NPAS3: variants seen among roughly 807,000 people sequenced by gnomAD.
NPAS3 encodes neuronal PAS domain-containing protein 3.
In NPAS3, 14 loss-of-function variants were observed where a neutral mutation model predicts 73.1. The observed-to-expected ratio is 0.19, with a 90% CI of 0.13 to 0.30. The LOEUF (loss-of-function observed/expected upper bound fraction) is 0.30, where lower values mean the gene tolerates loss of function less well. Among genes scored for constraint, NPAS3 ranks in the 10% least tolerant of loss-of-function variants. NPAS3 has a pLI of 1.00. For synonymous variants in NPAS3, 620 were observed against 541.5 expected, an observed-to-expected ratio of 1.14 and a Z score of -2.01; for missense variants, 1,096 against 1,250.0, an observed-to-expected ratio of 0.88 and a Z score of 1.86.
chr14:32,969,223 A>G (rs564325256), intron 1 of NPAS3, among the ~76,000 whole-genome samples: 1 of 152,240 alleles, frequency 6.6e-6, no homozygotes, highest in African/African-American at 2.4e-5. Context: ...ATCAGAGTAC[A>G]GTGGTGAGAG....
intron 4 of NPAS3, among the ~76,000 whole-genome samples, chr14:33,540,996 TTTC>T (rs1382538154): frequency 1.3e-5 from 2 of 152,038 alleles, no homozygotes; most frequent in African/African-American, 4.8e-5. Context: ...CAAGTCAGGA[TTTC>T]TTCTTTACTT....
downstream of NPAS3, chr14:33,802,009 A>C (rs189853608): frequency 5.3e-5 from 8 of 152,252 alleles, no homozygotes; most frequent in Non-Finnish European, 1.2e-4. Flanking sequence ...ATTAAATTTA[A>C]TGGGTCAGTA....
intron 1 of NPAS3, among the ~76,000 whole-genome samples, chr14:32,943,697 T>C (rs998276565): frequency 2.6e-4 from 39 of 149,500 alleles, no homozygotes; most frequent in Non-Finnish European, 5.1e-4. Flanking sequence ...CTTTTTCTTT[T>C]TTTTTTTTTT....
At chr14:33,374,104 T>A (rs114621688) in intron 4 of NPAS3, among the ~76,000 whole-genome samples, 3 of 152,162 alleles carry the variant, frequency 2.0e-5, no homozygotes, top group African/African-American at 7.2e-5. Context: ...AGCCCAAATG[T>A]AGTGATTTTC....
intron 3 of NPAS3, among the ~76,000 whole-genome samples, chr14:33,343,720 T>C (rs2044598435): frequency 6.6e-6 from 1 of 152,248 alleles, no homozygotes; most frequent in Non-Finnish European, 1.5e-5. Context: ...TCATTTAAAA[T>C]ATATTTGGCT....
chr14:33,149,808 T>C (rs1390628731), intron 2 of NPAS3, among the ~76,000 whole-genome samples: 1 of 152,192 alleles, frequency 6.6e-6, no homozygotes, highest in Admixed American at 6.5e-5. Flanking sequence ...TATTATACTT[T>C]AAGTTTTAGG....
intron 2 of NPAS3, among the ~76,000 whole-genome samples, chr14:33,127,686 AGTTT>A (rs1421813533): frequency 6.6e-6 from 1 of 152,126 alleles, no homozygotes; most frequent in Non-Finnish European, 1.5e-5. Flanking sequence ...GAAGTTAGAA[AGTTT>A]CTGGAGTTCT....
intron 2 of NPAS3, among the ~76,000 whole-genome samples, chr14:33,134,031 G>A (rs942293429): frequency 4.6e-5 from 7 of 152,090 alleles, no homozygotes; most frequent in Non-Finnish European, 7.4e-5. Context: ...CTTTCTATAA[G>A]AAAATGAGGG....
At chr14:33,601,865 A>C (rs963680201) in intron 5 of NPAS3, among the ~76,000 whole-genome samples, 1 of 152,216 alleles carries the variant, frequency 6.6e-6, no homozygotes, top group African/African-American at 2.4e-5. Flanking sequence ...AACCAAGAGT[A>C]ATAGGGTTTG....
chr14:33,562,289 T>G (rs561100134), intron 5 of NPAS3, among the ~76,000 whole-genome samples: 4 of 152,168 alleles, frequency 2.6e-5, no homozygotes, highest in Non-Finnish European at 4.4e-5. Context: ...CATGGTACAG[T>G]ATCTGGCAAT....
chr14:33,643,441 G>T (rs572313977), intron 5 of NPAS3, among the ~76,000 whole-genome samples: 86 of 147,700 alleles, frequency 5.8e-4, no homozygotes, highest in Non-Finnish European at 1.1e-3. Context: ...TGTAAAGTTA[G>T]CAGCACTGCT....
chr14:33,000,981 A>G (rs1404743756), intron 1 of NPAS3, among the ~76,000 whole-genome samples: 3 of 152,242 alleles, frequency 2.0e-5, no homozygotes, highest in East Asian at 1.9e-4. Context: ...TTTTTAGGAC[A>G]TACGTTTCTT....
chr14:33,706,849 C>T (rs538270476), intron 6 of NPAS3, among the ~76,000 whole-genome samples: 1 of 152,282 alleles, frequency 6.6e-6, no homozygotes, highest in Admixed American at 6.5e-5. Context: ...CTCCGTCTCA[C>T]GTCTTTTCAG....
intron 4 of NPAS3, among the ~76,000 whole-genome samples, chr14:33,446,166 CTT>C (rs71118544): frequency 2.5e-5 from 3 of 120,010 alleles, no homozygotes; most frequent in Non-Finnish European, 1.7e-5. Flanking sequence ...TTCATGCTTT[CTT>C]TTTTTTTTTT....
At chr14:33,786,202 G>T (rs1230109453) in intron 9 of NPAS3, among the ~76,000 whole-genome samples, 3 of 152,166 alleles carry the variant, frequency 2.0e-5, no homozygotes, top group Non-Finnish European at 2.9e-5. Flanking sequence ...CAGAATAGCT[G>T]TTGAGCAGAC....
chr14:33,183,547 T>C (rs2045881488), intron 2 of NPAS3, among the ~76,000 whole-genome samples: 2 of 148,838 alleles, frequency 1.3e-5, no homozygotes, highest in African/African-American at 4.9e-5. Context: ...AATGCTGTCC[T>C]GTGCAGGTGT....
chr14:33,088,877 T>C (rs1354902456), intron 2 of NPAS3, among the ~76,000 whole-genome samples: 1 of 152,230 alleles, frequency 6.6e-6, no homozygotes, highest in Non-Finnish European at 1.5e-5. Flanking sequence ...CAATATTTGC[T>C]GTTCTGCAGC....
At chr14:33,265,205 A>G (rs922214589) in intron 3 of NPAS3, among the ~76,000 whole-genome samples, 7 of 152,336 alleles carry the variant, frequency 4.6e-5, no homozygotes, top group East Asian at 1.9e-4. Flanking sequence ...AATAAGGACA[A>G]TCCCTAACTG....
At chr14:33,159,673 C>A (rs988819650) in intron 2 of NPAS3, among the ~76,000 whole-genome samples, 2 of 151,642 alleles carry the variant, frequency 1.3e-5, no homozygotes, top group Non-Finnish European at 2.9e-5. Flanking sequence ...CCTGCCTCAG[C>A]CTCCTGAGTA....
Sources: allele counts gnomAD v4.1 joint callset (sites outside exome capture counted in the v4.1 genomes callset), GRCh38; gene constraint gnomAD v4.1.1; transcripts MANE v1.5; gene names NCBI Gene and HGNC (gene_info 2026-07-23, HGNC 2026-07-21).